DTNA: variants seen among roughly 807,000 people sequenced by gnomAD.
DTNA encodes dystrophin-related protein 3.
Under a neutral mutation model 100.7 loss-of-function variants are expected in DTNA, and 43 were observed. That is an observed-to-expected ratio of 0.43 (90% CI 0.33 to 0.55). The LOEUF is 0.55. Ranked by LOEUF, DTNA falls within the 20% of genes least tolerant of loss-of-function variation. DTNA has a pLI of 0.04. For synonymous variants in DTNA, 349 were observed against 347.9 expected, an observed-to-expected ratio of 1.00 and a Z score of -0.04; for missense variants, 798 against 953.9, an observed-to-expected ratio of 0.84 and a Z score of 2.15.
upstream of DTNA, among the ~76,000 whole-genome samples, chr18:34,708,010 C>T (rs1033354457): frequency 6.6e-6 from 1 of 152,194 alleles, no homozygotes; most frequent in Non-Finnish European, 1.5e-5. Flanking sequence ...AGAAATCTTG[C>T]AATGTGCAAC....
At chr18:34,629,813 G>C (rs1045656806) in intron 1 of DTNA, among the ~76,000 whole-genome samples, 1 of 152,024 alleles carries the variant, frequency 6.6e-6, no homozygotes, top group Non-Finnish European at 1.5e-5. Flanking sequence ...AGTCCATTTT[G>C]AACTGACTGC....
chr18:34,840,373 A>G (rs567888108), intron 13 of DTNA, among the ~76,000 whole-genome samples: 1 of 152,246 alleles, frequency 6.6e-6, no homozygotes, highest in South Asian at 2.1e-4. Context: ...AGTAGAACTA[A>G]GCATTGAATT....
At chr18:34,737,439 T>A (rs1451224246) in intron 1 of DTNA, among the ~76,000 whole-genome samples, 4 of 152,218 alleles carry the variant, frequency 2.6e-5, no homozygotes, top group African/African-American at 7.2e-5. Flanking sequence ...GCCATAAGGC[T>A]ACAAATGAAA....
rs1425281197 is a variant in DTNA, at chr18:34,765,937, A to G, written c.68-24A>G. On this transcript the variant is annotated intron_variant, in intron 2 of 22. Transcript: ENST00000444659. ...TCTTTCTGCACACATGGCATACCTT[A>G]TGTGTCCTTTTTCCCCGCACTAGGG... The G allele has an allele frequency of 6.2e-6, 10 of 1,611,980 alleles. No homozygotes were observed. The East Asian group carries it at 1.1e-4, about 18-fold the overall frequency.
intron 1 of DTNA, among the ~76,000 whole-genome samples, chr18:34,717,855 A>G (rs1175989704): frequency 1.3e-5 from 2 of 152,244 alleles, no homozygotes; most frequent in Non-Finnish European, 2.9e-5. Context: ...AGAATCAGAA[A>G]TGTCTGGAAA....
chr18:34,594,235 A>C (rs1321051481), intron 1 of DTNA, among the ~76,000 whole-genome samples: 3 of 151,902 alleles, frequency 2.0e-5, no homozygotes, highest in African/African-American at 7.3e-5. Flanking sequence ...GAGTTGTCTG[A>C]TTTTGCTATT....
chr18:34,781,858 A>G (rs1434290047), intron 3 of DTNA, among the ~76,000 whole-genome samples: 3 of 152,162 alleles, frequency 2.0e-5, no homozygotes, highest in Admixed American at 2.0e-4. Context: ...TACTTCATCT[A>G]TTTGAGTTTA....
rs876657802 is a variant in DTNA, at chr18:34,866,174, G to C, written c.1743+2112G>C. On this transcript the variant is annotated intron_variant, in intron 17 of 22. Coordinates refer to ENST00000444659, the MANE Select transcript of DTNA (RefSeq NM_001386795.1). ...CTGCAGGTCTTAACTAACAGTGGAG[G>C]GGCCTGCCGACCTGCGGTTTTCTCA... The C allele has an allele frequency of 6.2e-6, 10 of 1,614,146 alleles. No homozygotes were observed. Among genetic ancestry groups the C allele is most frequent in the Non-Finnish European group, 8.5e-6 (10 of 1,180,022 alleles).
At chr18:34,673,168 C>G (rs1171470444) in intron 1 of DTNA, among the ~76,000 whole-genome samples, 1 of 152,126 alleles carries the variant, frequency 6.6e-6, no homozygotes, top group Non-Finnish European at 1.5e-5. Flanking sequence ...CTCACTGTAA[C>G]CTCCGCCTGC....
intron 6 of DTNA, among the ~76,000 whole-genome samples, chr18:34,813,350 T>G (rs2095523614): frequency 6.6e-6 from 1 of 151,310 alleles, no homozygotes. Context: ...ATGCTTGTAG[T>G]CCTAGCTTCT....
chr18:34,717,975 A>G (rs1316163128), intron 1 of DTNA, among the ~76,000 whole-genome samples: 3 of 152,202 alleles, frequency 2.0e-5, no homozygotes, highest in Non-Finnish European at 4.4e-5. Context: ...AGCTAAGGGG[A>G]TGAAAGTAGA....
chr18:34,568,118 T>C lies in DTNA; in HGVS notation c.-2+74604T>C, dbSNP rs188661074. 1.3e-3 allele frequency among the ~76,000 whole-genome samples: 194 copies of C among 152,236 alleles called. 1 individual carries two copies. Among genetic ancestry groups the C allele is most frequent in the East Asian group, 1.3e-3 (7 of 5,188 alleles). Reference sequence around the variant, plus strand: ...ACATATTCAGTATGAATCTGAGTCTTTGTTGTTCACACTAGATGAAGGGTA... The same window carrying C: ...ACATATTCAGTATGAATCTGAGTCTCTGTTGTTCACACTAGATGAAGGGTA... On this transcript the variant is annotated intron_variant, in intron 1 of 19. Transcript: ENST00000283365.
intron 1 of DTNA, among the ~76,000 whole-genome samples, chr18:34,605,668 C>T (rs2052926186): frequency 6.7e-6 from 1 of 148,760 alleles, no homozygotes; most frequent in Non-Finnish European, 1.5e-5. Context: ...CACACACACA[C>T]ACACAGTGCT....
chr18:34,746,445 A>G (rs2091591486), intron 1 of DTNA, among the ~76,000 whole-genome samples: 1 of 152,070 alleles, frequency 6.6e-6, no homozygotes, highest in African/African-American at 2.4e-5. Flanking sequence ...CTCAGCCATC[A>G]TTTCCCTATG....
At chr18:34,550,303 G>A (rs184464502) in intron 1 of DTNA, among the ~76,000 whole-genome samples, 1 of 152,238 alleles carries the variant, frequency 6.6e-6, no homozygotes. Context: ...GGACTAGTGA[G>A]CAGAGTACTC....
intron 1 of DTNA, among the ~76,000 whole-genome samples, chr18:34,625,035 ATT>A (rs1201084306): frequency 0.01 from 1,345 of 133,488 alleles, 15 homozygotes; most frequent in African/African-American, 0.034. Flanking sequence ...CAGCCAGTTA[ATT>A]TTTTTTTTTT....
chr18:34,787,475 A>G (rs1195626221), intron 3 of DTNA, among the ~76,000 whole-genome samples: 2 of 152,166 alleles, frequency 1.3e-5, no homozygotes, highest in East Asian at 3.8e-4. Flanking sequence ...AATAGACTAA[A>G]TCTTGAAGTT....
intron 1 of DTNA, among the ~76,000 whole-genome samples, chr18:34,617,031 T>C (rs1306482956): frequency 6.6e-6 from 1 of 152,182 alleles, no homozygotes; most frequent in Non-Finnish European, 1.5e-5. Context: ...GGGAAGAGTC[T>C]GTGGGTTTTT....
intron 11 of DTNA, among the ~76,000 whole-genome samples, chr18:34,832,981 T>G (rs748754229): frequency 3.3e-5 from 5 of 152,176 alleles, no homozygotes; most frequent in African/African-American, 4.8e-5. Context: ...ACAAGCTTAT[T>G]AATAATTTAA....
Sources: allele counts gnomAD v4.1 joint callset (sites outside exome capture counted in the v4.1 genomes callset), GRCh38; gene constraint gnomAD v4.1.1; transcripts MANE v1.5; gene names NCBI Gene and HGNC (gene_info 2026-07-23, HGNC 2026-07-21).